PRKDC: variants seen among roughly 807,000 people sequenced by gnomAD.
The protein encoded by PRKDC is protein kinase, DNA-activated, catalytic subunit.
PRKDC carries 82 observed loss-of-function variants against 486.9 expected under a neutral mutation model. That is an observed-to-expected ratio of 0.17 (90% CI 0.14 to 0.20). The LOEUF is 0.20. Ranked by LOEUF, PRKDC falls within the 10% of genes least tolerant of loss-of-function variation. The probability of loss-of-function intolerance (pLI) is 1.00; values close to 1 mark genes in which losing one functional copy is unlikely to be tolerated. For synonymous variants in PRKDC, 1,895 were observed against 1,837.0 expected (o/e 1.03, Z -0.81); for missense variants, 4,504 against 5,038.2 (o/e 0.89, Z 3.21).
chr8:47,916,496 T>C (rs539855009), intron 22 of PRKDC, among the ~76,000 whole-genome samples: 1 of 152,190 alleles, frequency 6.6e-6, no homozygotes, highest in East Asian at 1.9e-4. Context: ...AGTTACAAGT[T>C]CTCCAAAACT....
chr8:47,907,099 C>T (rs1000871360), intron 25 of PRKDC, among the ~76,000 whole-genome samples: 17 of 150,788 alleles, frequency 1.1e-4, no homozygotes, highest in African/African-American at 2.9e-4. Context: ...AGTGCAGTGG[C>T]GCGCAGTCTC....
chr8:47,835,958 G>A (rs1008477272), intron 58 of PRKDC, among the ~76,000 whole-genome samples: 7 of 152,116 alleles, frequency 4.6e-5, no homozygotes, highest in African/African-American at 1.7e-4. Context: ...TGTAGAGATG[G>A]AGTCTTTCCA....
At chr8:47,925,022 C>CACGTGGGTGCCT (rs2090134234) in intron 21 of PRKDC, among the ~76,000 whole-genome samples, 1 of 152,222 alleles carries the variant, frequency 6.6e-6, no homozygotes, top group East Asian at 1.9e-4. Context: ...GCTGTCCCAA[C>CACGTGGGTGCCT]ACGTGGGTGC....
intron 73 of PRKDC, among the ~76,000 whole-genome samples, chr8:47,796,966 TG>T (rs2086997633): frequency 6.6e-6 from 1 of 152,258 alleles, no homozygotes; most frequent in Non-Finnish European, 1.5e-5. Context: ...TCATGGATTC[TG>T]GTTTTTGTCT....
intron 21 of PRKDC, among the ~76,000 whole-genome samples, chr8:47,924,260 T>A (rs979410472): frequency 2.3e-4 from 35 of 152,060 alleles, no homozygotes; most frequent in Non-Finnish European, 4.7e-4. Flanking sequence ...GTTCCATTAA[T>A]GGAAAATGAG....
Position 47,919,750 on chromosome 8 carries a change from A to G in PRKDC, c.2420-1367T>C, listed in dbSNP as rs1426243356. On this transcript the variant is annotated intron_variant, in intron 21 of 85. Transcript: ENST00000314191. ...TTTTTTTTTTTTTTTTTGAGCTCCA[A>G]TAAGTTAAGAATTTTTAGTTCACTG... Among the ~76,000 whole-genome samples the G allele has an allele frequency of 2.0e-5, 3 of 149,204 alleles. No individual in the cohort carries two copies. In the East Asian group the frequency reaches 5.8e-4, roughly 29 times the overall value.
At chr8:47,956,016 G>T in intron 3 of PRKDC, 68 bp from the exon 4 acceptor site, 1 of 1,134,376 alleles carries the variant, frequency 8.8e-7, no homozygotes, top group Non-Finnish European at 1.3e-6. Context: ...AGCAATACCT[G>T]AAACTACTTC....
chr8:47,882,626 G>A (rs1200427188), intron 36 of PRKDC, among the ~76,000 whole-genome samples: 1 of 151,980 alleles, frequency 6.6e-6, no homozygotes, highest in African/African-American at 2.4e-5. Context: ...ATGCACACAC[G>A]CAAACGCACA....
intron 71 of PRKDC, among the ~76,000 whole-genome samples, chr8:47,799,911 G>A (rs868511422): frequency 2.0e-5 from 3 of 152,330 alleles, no homozygotes; most frequent in Admixed American, 6.5e-5. Context: ...CTGGTGGGAC[G>A]TCTGAATGGT....
intron 24 of PRKDC, 131 bp from the exon 25 acceptor site, chr8:47,912,693 T>C (rs1451381948): frequency 4.0e-6 from 3 of 757,706 alleles, no homozygotes; most frequent in African/African-American, 1.8e-5. Context: ...AACCCAAATA[T>C]AAATTAACTG....
intron 40 of PRKDC, among the ~76,000 whole-genome samples, chr8:47,869,160 T>C (rs1315823469): frequency 1.3e-5 from 2 of 152,088 alleles, no homozygotes; most frequent in Middle Eastern, 3.4e-3. Flanking sequence ...CAAGTGGACT[T>C]GGGGGGCACA....
At chr8:47,951,838 A>T (rs2090630203) in intron 7 of PRKDC, among the ~76,000 whole-genome samples, 1 of 152,246 alleles carries the variant, frequency 6.6e-6, no homozygotes, top group South Asian at 2.1e-4. Context: ...AGGCACACAA[A>T]TGGTGAGTAC....
chr8:47,879,790 T>A, intron 38 of PRKDC, 132 bp from the exon 39 acceptor site: 3 of 563,076 alleles, frequency 5.3e-6, no homozygotes, highest in Admixed American at 4.8e-5. Context: ...CCATAATTTC[T>A]AAATTATATT....
intron 31 of PRKDC, among the ~76,000 whole-genome samples, chr8:47,891,712 T>C (rs895754922): frequency 6.6e-6 from 1 of 151,980 alleles, no homozygotes; most frequent in African/African-American, 2.4e-5. Context: ...GGAGACTCCA[T>C]TTCAAAAAAG....
intron 42 of PRKDC, 136 bp from the exon 43 acceptor site, chr8:47,862,677 G>T: frequency 2.7e-6 from 2 of 739,422 alleles, no homozygotes; most frequent in Non-Finnish European, 4.1e-6. Context: ...AGAGTATTAG[G>T]CACTGGGAAT....
Position 47,912,402 on chromosome 8 carries a change from G to T in PRKDC, c.2934+8C>A. 1 of 1,561,336 alleles carries T rather than the reference G, an allele frequency of 6.4e-7. No homozygotes were observed. Among genetic ancestry groups the T allele is most frequent in the Non-Finnish European group, 8.7e-7 (1 of 1,151,844 alleles). ...ATTTTACAACTATTTCAGATTCAAAGCCCTTACCTGATCAACATCACACGC... is the reference window on the plus strand; with the variant it reads ...ATTTTACAACTATTTCAGATTCAAATCCCTTACCTGATCAACATCACACGC... On this transcript the variant is annotated splice_region_variant and intron_variant, in intron 25 of 85. Coordinates refer to ENST00000314191, the MANE Select transcript of PRKDC (RefSeq NM_006904.7).
At chr8:47,857,394 A>T (rs1178233607) in intron 48 of PRKDC, 95 bp from the exon 49 acceptor site, 1 of 1,367,938 alleles carries the variant, frequency 7.3e-7, no homozygotes, top group East Asian at 2.4e-5. Flanking sequence ...AAAATTTTAT[A>T]CTATGACTGG....
At chr8:47,869,446 G>A (rs1422003381) in intron 40 of PRKDC, among the ~76,000 whole-genome samples, 2 of 151,664 alleles carry the variant, frequency 1.3e-5, no homozygotes, top group Non-Finnish European at 2.9e-5. Context: ...CTGCCTTGAA[G>A]GGAAGGGCTC....
chr8:47,835,633 A>C (rs2088001928), intron 58 of PRKDC, among the ~76,000 whole-genome samples: 1 of 150,194 alleles, frequency 6.7e-6, no homozygotes, highest in African/African-American at 2.4e-5. Flanking sequence ...AAAAAAAAAA[A>C]AAAAAAAAAA....
Sources: allele counts gnomAD v4.1 joint callset (sites outside exome capture counted in the v4.1 genomes callset), GRCh38; gene constraint gnomAD v4.1.1; transcripts MANE v1.5; gene names NCBI Gene and HGNC (gene_info 2026-07-23, HGNC 2026-07-21).